The following ZC3H12B variants were observed in gnomAD, a reference collection of about 807,000 sequenced individuals.
ZC3H12B encodes probable ribonuclease ZC3H12B.
Under a neutral mutation model 43.9 loss-of-function variants are expected in ZC3H12B, and 7 were observed. That is an observed-to-expected ratio of 0.16 (90% confidence interval 0.09 to 0.30). The LOEUF is 0.30. Among genes scored for constraint, ZC3H12B ranks in the 10% least tolerant of loss-of-function variants. The probability of loss-of-function intolerance (pLI) is 1.00; values close to 1 mark genes in which losing one functional copy is unlikely to be tolerated. For synonymous variants in ZC3H12B, 222 were observed against 241.7 expected, an observed-to-expected ratio of 0.92 and a Z score of 0.76; for missense variants, 475 against 670.2, an observed-to-expected ratio of 0.71 and a Z score of 3.22.
the ZC3H12B span, among the ~76,000 whole-genome samples, chrX:65,086,204 C>T: frequency 1.8e-5 from 2 of 111,166 alleles, no homozygotes; most frequent in African/African-American, 6.5e-5. Context: ...GTATTTACAT[C>T]TATATTTATT....
the ZC3H12B span, among the ~76,000 whole-genome samples, chrX:65,338,735 C>T: frequency 5.3e-5 from 6 of 112,219 alleles, no homozygotes; most frequent in African/African-American, 1.9e-4. Context: ...ATACGATTCA[C>T]CACATAAACA....
At chrX:65,143,737 T>C in the ZC3H12B span, among the ~76,000 whole-genome samples, 14 of 108,380 alleles carry the variant, frequency 1.3e-4, no homozygotes, top group African/African-American at 4.7e-4. Context: ...TAATTTTTTT[T>C]TTTTAATTTT....
exon 2 of ZC3H12B, chrX:65,497,226 C>T: frequency 8.3e-7 from 1 of 1,210,338 alleles, no homozygotes; most frequent in Non-Finnish European, 1.1e-6. Flanking sequence ...TGTATTTGTG[C>T]CTGCATGGAG....
chrX:65,093,149 G>T, the ZC3H12B span, among the ~76,000 whole-genome samples: 1 of 111,805 alleles, frequency 8.9e-6, no homozygotes, highest in Non-Finnish European at 1.9e-5. Flanking sequence ...GCTTTCATGT[G>T]ATGTTAAACC....
intron 3 of ZC3H12B, among the ~76,000 whole-genome samples, chrX:65,451,985 G>A (rs1032076949): frequency 6.3e-5 from 7 of 111,686 alleles, no homozygotes; most frequent in Non-Finnish European, 9.4e-5. Context: ...AATGGTTTCA[G>A]CGTTGATGGT....
intron 3 of ZC3H12B, among the ~76,000 whole-genome samples, chrX:65,468,806 G>A (rs777317383): frequency 4.0e-4 from 44 of 109,847 alleles, no homozygotes; most frequent in African/African-American, 1.4e-3. Flanking sequence ...TTTTTTGATA[G>A]GAATTGCACT....
chrX:65,170,537 T>A, the ZC3H12B span, among the ~76,000 whole-genome samples: 2 of 111,418 alleles, frequency 1.8e-5, no homozygotes, highest in African/African-American at 6.5e-5. Flanking sequence ...TCTAGGAGTA[T>A]CTTTGTGGCA....
intron 3 of ZC3H12B, among the ~76,000 whole-genome samples, chrX:65,421,363 A>G (rs960079710): frequency 8.9e-6 from 1 of 112,099 alleles, no homozygotes; most frequent in African/African-American, 3.2e-5. Context: ...AGGCCAACCT[A>G]TGTACAGCCA....
chrX:65,250,796 C>T, the ZC3H12B span, among the ~76,000 whole-genome samples: 1 of 111,202 alleles, frequency 9.0e-6, no homozygotes, highest in African/African-American at 3.3e-5. Flanking sequence ...TTGTTTTTTT[C>T]TTGTAAATTT....
At chrX:65,462,721 A>G (rs998063149) in intron 3 of ZC3H12B, among the ~76,000 whole-genome samples, 5 of 111,344 alleles carry the variant, frequency 4.5e-5, no homozygotes, top group Admixed American at 2.9e-4. Flanking sequence ...TTTCTCAAAG[A>G]ACTTAAAATG....
intron 3 of ZC3H12B, among the ~76,000 whole-genome samples, chrX:65,447,800 A>G (rs2067398765): frequency 1.8e-5 from 2 of 111,995 alleles, no homozygotes; most frequent in South Asian, 7.4e-4. Flanking sequence ...GACATTTCTC[A>G]AAAGAAAATG....
the ZC3H12B span, among the ~76,000 whole-genome samples, chrX:65,189,976 A>T: frequency 9.1e-6 from 1 of 110,031 alleles, no homozygotes; most frequent in Non-Finnish European, 1.9e-5. Context: ...ATTTTTGTAT[A>T]AGGTGTAAGG....
the ZC3H12B span, among the ~76,000 whole-genome samples, chrX:65,215,086 C>G: frequency 9.0e-6 from 1 of 111,686 alleles, no homozygotes; most frequent in African/African-American, 3.2e-5. Flanking sequence ...ATGCTATAAA[C>G]AGATGTACTC....
chrX:65,136,977 C>T, the ZC3H12B span, among the ~76,000 whole-genome samples: 7 of 111,581 alleles, frequency 6.3e-5, no homozygotes, highest in African/African-American at 2.3e-4. Context: ...AGCCTCACAG[C>T]TGATATTTTA....
At chrX:65,171,628 G>T in the ZC3H12B span, among the ~76,000 whole-genome samples, 1 of 111,541 alleles carries the variant, frequency 9.0e-6, no homozygotes, top group African/African-American at 3.3e-5. Context: ...CAGCTATGCT[G>T]TGCCCCCAGA....
chrX:65,480,889 A>G (rs1488456260), intron 3 of ZC3H12B, among the ~76,000 whole-genome samples: 1 of 111,269 alleles, frequency 9.0e-6, no homozygotes, highest in Non-Finnish European at 1.9e-5. Context: ...AATATTTAAT[A>G]AAATATTCAT....
At chrX:65,320,243 G>A in the ZC3H12B span, among the ~76,000 whole-genome samples, 4 of 111,375 alleles carry the variant, frequency 3.6e-5, no homozygotes, top group Non-Finnish European at 7.5e-5. Context: ...CTGGGATTCC[G>A]TTACACCAAC....
At chrX:65,395,800 T>C (rs889731826) in intron 2 of ZC3H12B, among the ~76,000 whole-genome samples, 2 of 112,025 alleles carry the variant, frequency 1.8e-5, no homozygotes, top group Non-Finnish European at 3.8e-5. Context: ...AATTTGGCTG[T>C]GAATCTGTCT....
intron 3 of ZC3H12B, among the ~76,000 whole-genome samples, chrX:65,401,340 A>T (rs1249555729): frequency 1.8e-5 from 2 of 111,575 alleles, no homozygotes; most frequent in African/African-American, 6.5e-5. Flanking sequence ...GGAAAACCAG[A>T]CCAAACTTAC....
Sources: gnomAD v4.1 joint callset for allele counts (sites outside exome capture counted in the v4.1 genomes callset) on GRCh38, gnomAD v4.1.1 for gene constraint, MANE v1.5 for transcripts, NCBI Gene and HGNC (gene_info 2026-07-23, HGNC 2026-07-21) for gene names.